The following CD109 variants were observed in gnomAD, a reference collection of about 807,000 sequenced individuals.
CD109 encodes the protein CD109 antigen.
Under a neutral mutation model 165.8 loss-of-function variants are expected in CD109, and 149 were observed. That is an observed-to-expected ratio of 0.90 (90% confidence interval 0.79 to 1.03). The LOEUF is 1.03. Among genes scored for constraint, CD109 ranks in the 50% least tolerant of loss-of-function variants. The probability of loss-of-function intolerance (pLI) is 0.00; values close to 1 mark genes in which losing one functional copy is unlikely to be tolerated. For missense variants in CD109, 1,712 were observed against 1,677.8 expected, an observed-to-expected ratio of 1.02 and a Z score of -0.36; for synonymous variants, 585 against 592.1, an observed-to-expected ratio of 0.99 and a Z score of 0.18.
chr6:73,760,103 A>G (rs1215596527), intron 7 of CD109, among the ~76,000 whole-genome samples: 4 of 152,040 alleles, frequency 2.6e-5, no homozygotes, highest in Non-Finnish European at 5.9e-5. Flanking sequence ...AACCCAGGAA[A>G]TGTACTTAAA....
upstream of CD109, among the ~76,000 whole-genome samples, chr6:73,691,075 C>T (rs1390454653): frequency 6.6e-6 from 1 of 152,198 alleles, no homozygotes; most frequent in Admixed American, 6.5e-5. Context: ...CACCCACCTG[C>T]TCTCTGCTTT....
chr6:73,774,834 G>C (rs1168468769), intron 15 of CD109, among the ~76,000 whole-genome samples: 1 of 152,048 alleles, frequency 6.6e-6, no homozygotes, highest in South Asian at 2.1e-4. Flanking sequence ...ACTCTTCCTG[G>C]GGTTTTCTCA....
chr6:73,773,231 A>G (rs570893113), intron 15 of CD109, among the ~76,000 whole-genome samples: 38 of 150,688 alleles, frequency 2.5e-4, no homozygotes, highest in African/African-American at 9.0e-4. Flanking sequence ...TACATATAAT[A>G]TATGCATATT....
rs1191000009 is a variant in CD109, at chr6:73,756,690, T to C, written c.673+8T>C. On this transcript the variant is annotated splice_region_variant and intron_variant, in intron 6 of 32. Coordinates refer to ENST00000287097, the MANE Select transcript of CD109 (RefSeq NM_133493.5). ...TTCAGGTTTCAGAATATGGTAAGAG[T>C]TCCTCAATCTATTTTGGAAGAAAAA... 3.3e-6 allele frequency: 5 copies of C among 1,522,640 alleles called. No individual in the cohort carries two copies. The highest frequency in any genetic ancestry group is 8.9e-7 in the Non-Finnish European group (1 of 1,126,418). The allele number at this position is 1,522,640 out of a possible 1,614,324, so 94.3% of individuals were successfully genotyped here.
chr6:73,712,067 G>A (rs1003525596), intron 2 of CD109, among the ~76,000 whole-genome samples: 7 of 152,094 alleles, frequency 4.6e-5, no homozygotes, highest in Non-Finnish European at 7.3e-5. Flanking sequence ...AAAATTAGCC[G>A]GGTATGGTGG....
intron 5 of CD109, among the ~76,000 whole-genome samples, chr6:73,742,676 C>T (rs1772838191): frequency 6.6e-6 from 1 of 152,188 alleles, no homozygotes; most frequent in African/African-American, 2.4e-5. Flanking sequence ...GCTGTCTTTC[C>T]TCATTGTCAG....
chr6:73,740,027 C>T (rs1343830035), intron 5 of CD109, among the ~76,000 whole-genome samples: 2 of 152,040 alleles, frequency 1.3e-5, no homozygotes, highest in African/African-American at 2.4e-5. Context: ...TGCCACTACG[C>T]CTGCCTAGTT....
At chr6:73,793,960 A>T (rs1562072980) in intron 23 of CD109, among the ~76,000 whole-genome samples, 1 of 152,242 alleles carries the variant, frequency 6.6e-6, no homozygotes, top group Non-Finnish European at 1.5e-5. Flanking sequence ...AATGGATTAA[A>T]TGAAAAGTAG....
intron 4 of CD109, among the ~76,000 whole-genome samples, 176 bp downstream of exon 4, chr6:73,730,750 G>T (rs1188594888): frequency 6.6e-6 from 1 of 152,134 alleles, no homozygotes; most frequent in African/African-American, 2.4e-5. Context: ...TGGGTTAAGA[G>T]CTCAGCCTCT....
intron 25 of CD109, among the ~76,000 whole-genome samples, chr6:73,807,313 G>T (rs373942504): frequency 6.6e-6 from 1 of 152,126 alleles, no homozygotes; most frequent in Non-Finnish European, 1.5e-5. Context: ...TGTATGTATT[G>T]TACTTGCTAT....
At position 73,753,137 on chromosome 6, in the gene CD109, G is replaced by A. The variant is rs541624961; in HGVS notation, c.634-3506G>A. Among the ~76,000 whole-genome samples the A allele has an allele frequency of 1.5e-4, 23 of 152,222 alleles. No individual in the cohort carries two copies. The East Asian group carries it at 2.5e-3, about 17-fold the overall frequency. ...GATTTATTGGAACATAGTCGTGCTC[G>A]TTTGTTTACAAATTGTGTCTGGCTA... On this transcript the variant is annotated intron_variant, in intron 5 of 32. Transcript: ENST00000287097.
At position 73,824,267 on chromosome 6, in the gene CD109, GA is replaced by G. The variant is rs1776206358; in HGVS notation, c.*637del. 1 of 152,040 alleles carries G rather than the reference GA, an allele frequency of 6.6e-6. No homozygotes were observed. The allele number at this position is 152,040 out of a possible 1,614,324, so 9.4% of individuals were successfully genotyped here. ...CCTCCCTCTCTTTTTCCTCTGTAGA[GA>G]AATGTGAGGGGCAGTACATTTACTG... On this transcript the variant is annotated 3_prime_UTR_variant, in exon 33 of 33. Coordinates refer to ENST00000287097, the MANE Select transcript of CD109 (RefSeq NM_133493.5).
chr6:73,741,434 G>A (rs1772781724), intron 5 of CD109, among the ~76,000 whole-genome samples: 1 of 152,196 alleles, frequency 6.6e-6, no homozygotes, highest in South Asian at 2.1e-4. Context: ...TTTCATAGAA[G>A]TGTGTTTTAT....
chr6:73,771,287 A>T, intron 14 of CD109, 142 bp from the exon 15 acceptor site: 1 of 573,974 alleles, frequency 1.7e-6, no homozygotes, highest in Non-Finnish European at 2.9e-6. Context: ...TCCCTAGAGA[A>T]GGGTTATGCA....
At chr6:73,719,633 G>A (rs1331191046) in intron 2 of CD109, among the ~76,000 whole-genome samples, 1 of 152,112 alleles carries the variant, frequency 6.6e-6, no homozygotes, top group Non-Finnish European at 1.5e-5. Context: ...CTCCACACAT[G>A]CTCAGGTACC....
At chr6:73,681,324 TTGTGTGTGTG>T in the CD109 span, among the ~76,000 whole-genome samples, 35 of 145,674 alleles carry the variant, frequency 2.4e-4, no homozygotes, top group South Asian at 1.6e-3. Context: ...CAGTTACCAT[TTGTGTGTGTG>T]TGTGTGTGTG....
chr6:73,681,625 G>T, the CD109 span, among the ~76,000 whole-genome samples: 3 of 149,574 alleles, frequency 2.0e-5, no homozygotes, highest in Non-Finnish European at 3.0e-5. Context: ...TTTTTGAAAT[G>T]GAGTTTCGCT....
chr6:73,691,999 T>C (rs544698820), upstream of CD109, among the ~76,000 whole-genome samples: 1 of 152,074 alleles, frequency 6.6e-6, no homozygotes, highest in African/African-American at 2.4e-5. Flanking sequence ...GGCTGATGTA[T>C]GGGCTCGTGG....
chr6:73,797,884 A>T (rs764801714), intron 23 of CD109, among the ~76,000 whole-genome samples: 14 of 152,154 alleles, frequency 9.2e-5, no homozygotes, highest in Non-Finnish European at 2.1e-4. Context: ...CAATTTTCAG[A>T]AGTCTATGAA....
Sources: gnomAD v4.1 joint callset for allele counts (sites outside exome capture counted in the v4.1 genomes callset) on GRCh38, gnomAD v4.1.1 for gene constraint, MANE v1.5 for transcripts, NCBI Gene and HGNC (gene_info 2026-07-23, HGNC 2026-07-21) for gene names.